The following ERGIC1 variants were observed in gnomAD, a reference collection of about 807,000 sequenced individuals.
ERGIC1 encodes the protein endoplasmic reticulum-Golgi intermediate compartment protein 1.
A neutral mutation model predicts 38.3 loss-of-function variants in ERGIC1; 19 were observed. The observed-to-expected ratio is 0.50, with a 90% CI of 0.35 to 0.73. The LOEUF (loss-of-function observed/expected upper bound fraction) is 0.73. Ranked by LOEUF, ERGIC1 falls within the 30% of genes least tolerant of loss-of-function variation. ERGIC1 has a pLI of 0.01. For synonymous variants in ERGIC1, 124 were observed against 157.6 expected (o/e 0.79, Z 1.60); for missense variants, 294 against 389.2 (o/e 0.76, Z 2.06).
chr5:172,950,815 G>A lies in ERGIC1; in HGVS notation c.872G>A (p.Ter291=). The A allele has an allele frequency of 6.2e-7, 1 of 1,607,888 alleles. No individual in the cohort carries two copies. Among genetic ancestry groups the A allele is most frequent in the Non-Finnish European group, 8.5e-7 (1 of 1,175,398 alleles). The change falls in exon 10 of 10, where the codon TGA becomes TAA. Residue 291 remains the stop codon, a stop_retained_variant. Transcript: ENST00000393784. ...AAGATCCAGCTGGGCAAGATGCATTGACGCCACACCCAGCCTAATGGCCGA... is the reference window on the plus strand; with the variant it reads ...AAGATCCAGCTGGGCAAGATGCATTAACGCCACACCCAGCCTAATGGCCGA... The part of the protein sequence containing the change: ...WKKIQLGKMH[*]
intron 9 of ERGIC1, among the ~76,000 whole-genome samples, chr5:172,946,618 G>A (rs1764126531): frequency 6.6e-6 from 1 of 152,228 alleles, no homozygotes; most frequent in Non-Finnish European, 1.5e-5. Flanking sequence ...ACGAGGGACA[G>A]CCATGACCAG....
intron 9 of ERGIC1, among the ~76,000 whole-genome samples, chr5:172,945,093 A>C (rs1764093386): frequency 6.6e-6 from 1 of 152,162 alleles, no homozygotes; most frequent in Non-Finnish European, 1.5e-5. Context: ...TGTGTCTGCT[A>C]TCTTCTCTCC....
chr5:172,888,801 C>T lies in ERGIC1; in HGVS notation c.82+41C>T, dbSNP rs373364230. ...CTGGCCATGCCCTCTGCCCCATCTC[C>T]ACTGCCTGTGCCTGCTCTCTCTGTG... On this transcript the variant is annotated intron_variant, in intron 2 of 9. Transcript: ENST00000393784. 1.7e-5 allele frequency: 27 copies of T among 1,545,728 alleles called. No individual in the cohort carries two copies. In the African/African-American group the frequency reaches 2.9e-4, roughly 16 times the overall value.
chr5:172,885,076 C>T (rs1762386337), intron 1 of ERGIC1, among the ~76,000 whole-genome samples: 1 of 152,122 alleles, frequency 6.6e-6, no homozygotes, highest in African/African-American at 2.4e-5. Context: ...CCAGAGCAGC[C>T]TCTGACTTCC....
At chr5:172,869,933 A>G (rs976156441) in intron 1 of ERGIC1, among the ~76,000 whole-genome samples, 3 of 152,170 alleles carry the variant, frequency 2.0e-5, no homozygotes, top group African/African-American at 7.2e-5. Context: ...CAGGGCTCCA[A>G]CAGAGTTGGG....
chr5:172,924,181 G>T, intron 6 of ERGIC1, 72 bp downstream of exon 6: 1 of 1,388,748 alleles, frequency 7.2e-7, no homozygotes, highest in Non-Finnish European at 1.0e-6. Flanking sequence ...AGTGCCCTCT[G>T]CCCTCTCTGG....
chr5:172,891,186 C>T (rs1404544536), intron 2 of ERGIC1, among the ~76,000 whole-genome samples: 1 of 152,176 alleles, frequency 6.6e-6, no homozygotes, highest in Non-Finnish European at 1.5e-5. Flanking sequence ...CACATGAGGG[C>T]CTGTGGCCTG....
chr5:172,915,156 C>T, intron 5 of ERGIC1: 1 of 654,552 alleles, frequency 1.5e-6, no homozygotes, highest in Non-Finnish European at 2.8e-6. Context: ...CCCTTCTTGG[C>T]CCCTACAAGT....
chr5:172,935,132 C>T (rs1302448399), intron 8 of ERGIC1, 56 bp from the exon 9 acceptor site: 1 of 1,611,574 alleles, frequency 6.2e-7, no homozygotes, highest in Non-Finnish European at 8.5e-7. Context: ...GCAATCCAGT[C>T]CCCGCCCCCC....
chr5:172,865,239 AGAGACTGGG>A (rs994221087), intron 1 of ERGIC1, among the ~76,000 whole-genome samples: 4 of 151,992 alleles, frequency 2.6e-5, no homozygotes, highest in African/African-American at 9.7e-5. Flanking sequence ...TATTTTTAGT[AGAGACTGGG>A]TTTCACCATG....
At position 172,900,521 on chromosome 5, in the gene ERGIC1, C is replaced by T. The variant is rs184044538; in HGVS notation, c.155+3447C>T. Reference sequence around the variant, plus strand: ...AGGAGTTCGAGACCAGCCTGGACAACACAGTGAGATCCTGTCTCTGCAAAA... The same window carrying T: ...AGGAGTTCGAGACCAGCCTGGACAATACAGTGAGATCCTGTCTCTGCAAAA... On this transcript the variant is annotated intron_variant, in intron 3 of 9. Transcript: ENST00000393784. Among the ~76,000 whole-genome samples, 152 of 152,144 alleles carry T rather than the reference C, an allele frequency of 1.0e-3. 1 individual carries two copies. The highest frequency in any genetic ancestry group is 1.5e-3 in the Non-Finnish European group (99 of 68,008).
At chr5:172,853,350 C>T (rs1208780363) in intron 1 of ERGIC1, among the ~76,000 whole-genome samples, 1 of 152,214 alleles carries the variant, frequency 6.6e-6, no homozygotes, top group East Asian at 1.9e-4. Flanking sequence ...ATACCCGCAA[C>T]GGCTCCCGTG....
Position 172,834,494 on chromosome 5 carries a change from C to T in ERGIC1, c.20+61C>T. On this transcript the variant is annotated intron_variant, in intron 1 of 9. Coordinates refer to ENST00000393784, the MANE Select transcript of ERGIC1 (RefSeq NM_001031711.3). The surrounding 1 kb of genome is among the most constrained non-coding windows in gnomAD (Gnocchi z 4.1). The stretch of plus-strand genomic sequence containing the variant: ...TCAGCGGGCAGAGGGAGCGCCCCGG[C>T]ACGCCGCGGACCCCTCCCGCCCTGC... 3 of 1,268,322 alleles carry T rather than the reference C, an allele frequency of 2.4e-6. No individual in the cohort carries two copies. The highest frequency in any genetic ancestry group is 3.0e-6 in the Non-Finnish European group (3 of 1,003,894). The allele number at this position is 1,268,322 out of a possible 1,614,324, so 78.6% of individuals were successfully genotyped here.
intron 1 of ERGIC1, among the ~76,000 whole-genome samples, chr5:172,835,300 C>A (rs1437721453): frequency 6.6e-6 from 1 of 152,208 alleles, no homozygotes; most frequent in East Asian, 1.9e-4. Context: ...TCTGCCCTTT[C>A]TACTGAACAG....
At position 172,897,049 on chromosome 5, in the gene ERGIC1, C is replaced by G. The variant is rs1199029749; in HGVS notation, c.130C>G (p.Leu44Val). ...CATCCTCTTCCTCTTCCTCTCGGAG[C>G]TCACCGGATTTATAACGACAGAAGT... is the stretch of plus-strand genomic sequence containing the variant. ...LFILFLFLSELTGFITTEVVN... is the reference protein window; with the variant it reads ...LFILFLFLSEVTGFITTEVVN... The change falls in exon 3 of 10, where the codon CTC (leucine) becomes GTC (valine). Residue 44 changes from leucine (L) to valine (V), a missense_variant. Physicochemically the swap from Leu to Val is conservative, Grantham distance 32. Around this residue, in one of 3 missense-constraint regions of ERGIC1, gnomAD observed 163 missense variants for 225.8 expected, o/e 0.72. Coordinates refer to ENST00000393784, the MANE Select transcript of ERGIC1 (RefSeq NM_001031711.3). The G allele has an allele frequency of 6.2e-7, 1 of 1,614,040 alleles. No homozygotes were observed. The highest frequency in any genetic ancestry group is 8.5e-7 in the Non-Finnish European group (1 of 1,180,004).
At chr5:172,867,299 C>T (rs1761891129) in intron 1 of ERGIC1, 1 of 417,716 alleles carries the variant, frequency 2.4e-6, no homozygotes, top group South Asian at 1.7e-5. Flanking sequence ...GTGGACCTCC[C>T]AGGTGGGCAG....
At chr5:172,927,730 C>T (rs892143862) in intron 7 of ERGIC1, among the ~76,000 whole-genome samples, 1 of 152,102 alleles carries the variant, frequency 6.6e-6, no homozygotes. Context: ...CAGGTGCCTG[C>T]CACAATGCCC....
chr5:172,875,841 A>G (rs1449200055), intron 1 of ERGIC1, among the ~76,000 whole-genome samples: 1 of 152,196 alleles, frequency 6.6e-6, no homozygotes, highest in Admixed American at 6.5e-5. Flanking sequence ...GCCTTGGGAT[A>G]ACAGGCATGA....
chr5:172,940,629 G>T (rs1185746270), intron 9 of ERGIC1, among the ~76,000 whole-genome samples: 1 of 152,164 alleles, frequency 6.6e-6, no homozygotes, highest in Non-Finnish European at 1.5e-5. Flanking sequence ...TGCCCACCAA[G>T]AAGTACCGGA....
Sources: gnomAD v4.1 joint callset for allele counts (sites outside exome capture counted in the v4.1 genomes callset) on GRCh38, gnomAD v4.1.1 for gene constraint, gnomAD v4.1.1 regional missense constraint, Gnocchi (gnomAD v3.1) non-coding constraint, MANE v1.5 for transcripts, NCBI Gene and HGNC (gene_info 2026-07-23, HGNC 2026-07-21) for gene names.